Variants in BMP1 observed in about 807,000 individuals in gnomAD.
BMP1 encodes mammalian tolloid protein.
In BMP1, 63 loss-of-function variants were observed where a neutral mutation model predicts 116.8. That is an observed-to-expected ratio of 0.54 (90% CI 0.44 to 0.67). The LOEUF is 0.67. Among genes scored for constraint, BMP1 ranks in the 30% least tolerant of loss-of-function variants. The probability of loss-of-function intolerance (pLI) is 0.00; values close to 1 mark genes in which losing one functional copy is unlikely to be tolerated. For missense variants in BMP1, 1,183 were observed against 1,358.9 expected (o/e 0.87, Z 2.04); for synonymous variants, 536 against 533.4 (o/e 1.00, Z -0.07).
intron 8 of BMP1, among the ~76,000 whole-genome samples, chr8:22,191,554 G>C (rs1828931402): frequency 6.6e-6 from 1 of 152,174 alleles, no homozygotes; most frequent in Non-Finnish European, 1.5e-5. Flanking sequence ...AGTGAGCTGT[G>C]ATTGTACCAT....
chr8:22,178,006 G>C (rs1433937838), intron 6 of BMP1, 49 bp downstream of exon 6: 1 of 1,429,760 alleles, frequency 7.0e-7, no homozygotes, highest in East Asian at 2.3e-5. Context: ...GCCCCACCCT[G>C]CCCTCTGTAG....
rs199778498 is a variant in BMP1 at position 22,194,491 on chromosome 8, G to A, written c.1344G>A (p.Ser448=). ...AAAAGGACTATGGCCACATTCAATCGCCCAACTACCCAGACGATTACCGGC... is the reference window on the plus strand; with the variant it reads ...AAAAGGACTATGGCCACATTCAATCACCCAACTACCCAGACGATTACCGGC... ...DVKKDYGHIQ[S]PNYPDDYRPS... is the part of the protein sequence containing the mutation. Residue 448 remains serine (S), a synonymous_variant, in exon 11 of 20, where the codon TCG becomes TCA. Coordinates refer to ENST00000306385, the MANE Select transcript of BMP1 (RefSeq NM_006129.5). The surrounding 1 kb of genome is among the most constrained non-coding windows in gnomAD (Gnocchi z 4.5). 40 of 1,614,096 alleles carry A rather than the reference G, an allele frequency of 2.5e-5. No individual in the cohort carries two copies. Among genetic ancestry groups the A allele is most frequent in the Admixed American group, 1.7e-4 (10 of 60,014 alleles).
chr8:22,188,146 G>T (rs1462535592), intron 8 of BMP1, among the ~76,000 whole-genome samples: 1 of 149,966 alleles, frequency 6.7e-6, no homozygotes, highest in African/African-American at 2.5e-5. Flanking sequence ...CAACTCCCCA[G>T]TGGAGCCATT....
At chr8:22,184,587 C>A (rs184020306) in intron 8 of BMP1, among the ~76,000 whole-genome samples, 13 of 152,364 alleles carry the variant, frequency 8.5e-5, no homozygotes, top group Non-Finnish European at 1.8e-4. Flanking sequence ...AAAGGGCCTG[C>A]AGAGCCTGGT....
intron 18 of BMP1, among the ~76,000 whole-genome samples, chr8:22,207,928 G>A (rs1475095444): frequency 1.3e-5 from 2 of 151,916 alleles, no homozygotes; most frequent in Non-Finnish European, 2.9e-5. Context: ...CTGTCGCCCA[G>A]GCTGGAGTGC....
At chr8:22,187,648 C>T (rs926367853) in intron 8 of BMP1, among the ~76,000 whole-genome samples, 4 of 151,594 alleles carry the variant, frequency 2.6e-5, no homozygotes, top group Non-Finnish European at 4.4e-5. Flanking sequence ...CGTGCCCGGC[C>T]CCCAGCCCCT....
chr8:22,201,587 AG>A (rs1427128948), intron 15 of BMP1: 3 of 1,385,414 alleles, frequency 2.2e-6, no homozygotes, highest in Non-Finnish European at 1.9e-6. Context: ...CTCTCCCCAC[AG>A]CTGGGCCCTG....
chr8:22,205,720 A>G (rs1389876992), intron 16 of BMP1, among the ~76,000 whole-genome samples: 3 of 152,154 alleles, frequency 2.0e-5, no homozygotes, highest in Non-Finnish European at 4.4e-5. Context: ...GGCTATGGTG[A>G]GCTATGATCG....
In BMP1 at chr8:22,195,340, T is replaced by A. The variant is rs137858961; in HGVS notation, c.1640-122T>A. 6 of 1,277,548 alleles carry A rather than the reference T, an allele frequency of 4.7e-6. No homozygotes were observed. In the Admixed American group the frequency reaches 1.6e-4, roughly 33 times the overall value. 79.1% of individuals were successfully genotyped at this position (1,277,548 alleles called of 1,614,324 possible). A position where few individuals can be genotyped will look rare whatever the true frequency, so the allele number is the denominator to read the frequency against. ...GTCCATGTGCTCTGAAGGAAGGCTCTGTGGGGTTCCAGCCATCGGGGAGCT... is the reference window on the plus strand; with the variant it reads ...GTCCATGTGCTCTGAAGGAAGGCTCAGTGGGGTTCCAGCCATCGGGGAGCT... On this transcript the variant is annotated intron_variant, in intron 12 of 19. Transcript: ENST00000306385.
At chr8:22,210,108 C>T (rs1359739397) in intron 19 of BMP1, among the ~76,000 whole-genome samples, 2 of 152,280 alleles carry the variant, frequency 1.3e-5, no homozygotes, top group Non-Finnish European at 2.9e-5. Flanking sequence ...GTGGCCCTCA[C>T]CAGTCCTTTT....
intron 8 of BMP1, among the ~76,000 whole-genome samples, chr8:22,182,251 C>T (rs190251309): frequency 2.2e-4 from 34 of 152,288 alleles, no homozygotes; most frequent in Non-Finnish European, 3.2e-4. Flanking sequence ...CTCCTCTTAC[C>T]TCTGCCATGA....
intron 8 of BMP1, among the ~76,000 whole-genome samples, chr8:22,187,804 C>T (rs1311421017): frequency 2.6e-5 from 4 of 152,086 alleles, no homozygotes; most frequent in African/African-American, 4.8e-5. Context: ...TTATTGAGTG[C>T]TTACTGTGTG....
At chr8:22,177,181 C>T (rs372351792) in intron 5 of BMP1, 42 bp downstream of exon 5, 3 of 1,526,188 alleles carry the variant, frequency 2.0e-6, no homozygotes, top group South Asian at 1.2e-5. Flanking sequence ...GGGCGGCTCC[C>T]GCCCCAGCCC....
chr8:22,168,913 G>A (rs1200870526), intron 1 of BMP1, among the ~76,000 whole-genome samples: 1 of 152,188 alleles, frequency 6.6e-6, no homozygotes, highest in African/African-American at 2.4e-5. Context: ...GCTCATGCCT[G>A]TAATCCACTT....
chr8:22,193,367 T>A (rs1828988369), intron 9 of BMP1, among the ~76,000 whole-genome samples: 2 of 152,386 alleles, frequency 1.3e-5, no homozygotes, highest in South Asian at 4.1e-4. Flanking sequence ...TCTGATTATA[T>A]TTCTGATTTT....
At chr8:22,202,212 T>C (rs956677339) in intron 16 of BMP1, among the ~76,000 whole-genome samples, 6 of 152,188 alleles carry the variant, frequency 3.9e-5, no homozygotes, top group African/African-American at 1.4e-4. Context: ...TGTCCAAGTC[T>C]CTTTGTGACT....
At chr8:22,205,873 A>G (rs1829343863) in intron 16 of BMP1, among the ~76,000 whole-genome samples, 1 of 152,164 alleles carries the variant, frequency 6.6e-6, no homozygotes, top group East Asian at 1.9e-4. Flanking sequence ...CAGAGGGGTG[A>G]TGTGTTTGTG....
chr8:22,207,176 T>C, intron 17 of BMP1, 127 bp from the exon 18 acceptor site: 1 of 1,378,082 alleles, frequency 7.3e-7, no homozygotes, highest in South Asian at 1.3e-5. Flanking sequence ...TGGGCCCTCC[T>C]TCACTGTCAT....
chr8:22,203,621 C>G (rs767434681), intron 16 of BMP1, among the ~76,000 whole-genome samples: 7 of 152,198 alleles, frequency 4.6e-5, no homozygotes, highest in Non-Finnish European at 7.3e-5. Context: ...AGACATGGCT[C>G]TGAGCCATTA....
Sources: allele counts gnomAD v4.1 joint callset (sites outside exome capture counted in the v4.1 genomes callset), GRCh38; gene constraint gnomAD v4.1.1; non-coding constraint Gnocchi (gnomAD v3.1); transcripts MANE v1.5; gene names NCBI Gene and HGNC (gene_info 2026-07-23, HGNC 2026-07-21).